TXNDC16: variants seen among roughly 807,000 people sequenced by gnomAD.
TXNDC16 encodes thioredoxin domain containing 16.
Under a neutral mutation model 85.6 loss-of-function variants are expected in TXNDC16, and 74 were observed. The observed-to-expected ratio is 0.86, with a 90% CI of 0.72 to 1.05. TXNDC16 has a LOEUF of 1.05. TXNDC16 is among the 50% of genes least tolerant of loss of function. The pLI, the probability that TXNDC16 is intolerant of heterozygous loss-of-function variation, is 0.00. For synonymous variants in TXNDC16, 335 were observed against 326.5 expected, an observed-to-expected ratio of 1.03 and a Z score of -0.28; for missense variants, 959 against 947.0, an observed-to-expected ratio of 1.01 and a Z score of -0.17.
chr14:52,470,509 T>C lies in TXNDC16; in HGVS notation c.1481+3A>G. On this transcript the variant is annotated splice_donor_region_variant and intron_variant, in intron 15 of 20. Transcript: ENST00000281741. ...AGATCTTATAATGAAGCTGAATACT[T>C]ACAGCTGGATAAATTTTAGGAGATC... The C allele has an allele frequency of 6.2e-7, 1 of 1,611,394 alleles. No individual in the cohort carries two copies. Among genetic ancestry groups the C allele is most frequent in the South Asian group, 1.1e-5 (1 of 90,388 alleles).
In TXNDC16 at chr14:52,514,948, G is replaced by A. The variant is rs377516943; in HGVS notation, c.537C>T (p.Ala179=). 1.5e-5 allele frequency: 24 copies of A among 1,612,512 alleles called. No homozygotes were observed. Among genetic ancestry groups the A allele is most frequent in the South Asian group, 2.2e-5 (2 of 90,858 alleles). Residue 179 remains alanine, a synonymous_variant, in exon 8 of 21, where the codon GCC becomes GCT. Coordinates refer to ENST00000281741, the MANE Select transcript of TXNDC16 (RefSeq NM_020784.3). ...GGTATGTAGTCCCATACACAAAAGCGGCTTCCATGACTGCTCTGTGCTCTG... is the reference window on the plus strand; with the variant it reads ...GGTATGTAGTCCCATACACAAAAGCAGCTTCCATGACTGCTCTGTGCTCTG... ...GIPEHRAVME[A]AFVYGTTYQF...
Position 52,543,459 on chromosome 14 carries a change from A to G in TXNDC16, c.99T>C (p.Pro33=). ...PTVNSLPELS[P]QKYFSTLQPG... ...GTTGCAATGTACTAAAATATTTCTGAGGACTCAGTTCTGGTAAAGAGTTTA... is the reference window on the plus strand; with the variant it reads ...GTTGCAATGTACTAAAATATTTCTGGGGACTCAGTTCTGGTAAAGAGTTTA... The change falls in exon 3 of 21, where the codon CCT becomes CCC. Residue 33 remains proline, a synonymous_variant. Coordinates refer to ENST00000281741, the MANE Select transcript of TXNDC16 (RefSeq NM_020784.3). 1 of 1,613,424 alleles carries G rather than the reference A, an allele frequency of 6.2e-7. No individual in the cohort carries two copies. The highest frequency in any genetic ancestry group is 8.5e-7 in the Non-Finnish European group (1 of 1,179,652).
At chr14:52,472,596 TCA>T (rs754321510) in intron 14 of TXNDC16, among the ~76,000 whole-genome samples, 23 of 152,228 alleles carry the variant, frequency 1.5e-4, no homozygotes, top group Non-Finnish European at 3.1e-4. Context: ...TGATATTTCT[TCA>T]CAAATTTTAA....
intron 9 of TXNDC16, among the ~76,000 whole-genome samples, chr14:52,500,918 G>T (rs887199266): frequency 2.6e-5 from 4 of 152,012 alleles, no homozygotes; most frequent in Non-Finnish European, 5.9e-5. Flanking sequence ...TTCTCAATTG[G>T]GATTCAGATA....
At chr14:52,496,578 T>G (rs1305094031) in intron 9 of TXNDC16, among the ~76,000 whole-genome samples, 1 of 151,642 alleles carries the variant, frequency 6.6e-6, no homozygotes. Flanking sequence ...ATCTTGTGGG[T>G]TTCCTAATTA....
At chr14:52,473,151 G>C (rs912485367) in intron 14 of TXNDC16, among the ~76,000 whole-genome samples, 1 of 152,084 alleles carries the variant, frequency 6.6e-6, no homozygotes, top group Non-Finnish European at 1.5e-5. Context: ...CTGCCAGCCA[G>C]TCCTTTCCAC....
At chr14:52,516,244 C>G (rs1335802011) in intron 7 of TXNDC16, among the ~76,000 whole-genome samples, 4 of 152,204 alleles carry the variant, frequency 2.6e-5, no homozygotes, top group African/African-American at 9.6e-5. Flanking sequence ...CTTCCTTGTG[C>G]CCATTATCTA....
chr14:52,445,355 C>T (rs2035256607), intron 18 of TXNDC16, among the ~76,000 whole-genome samples: 1 of 152,064 alleles, frequency 6.6e-6, no homozygotes, highest in African/African-American at 2.4e-5. Flanking sequence ...AGAACCAAGA[C>T]ACAAAAAGAC....
At position 52,457,123 on chromosome 14, in the gene TXNDC16, G is replaced by T; in HGVS notation, c.1670C>A (p.Thr557Asn). The change falls in exon 17 of 21, where the codon ACT becomes AAT. Residue 557 changes from threonine to asparagine, a missense_variant. Physicochemically the swap from Thr to Asn is moderately conservative, Grantham distance 65 (BLOSUM62 0). Transcript: ENST00000281741. Reference protein sequence around the residue: ...AGNYLKGYVITGIYSEEDVLL... With the variant: ...AGNYLKGYVINGIYSEEDVLL... The stretch of plus-strand genomic sequence containing the variant: ...AACATCTTCTTCAGAATAAATTCCA[G>T]TGATAACATATCCTTTTAGGTAGTT... 1 of 1,593,292 alleles carries T rather than the reference G, an allele frequency of 6.3e-7. No homozygotes were observed. The highest frequency in any genetic ancestry group is 8.5e-7 in the Non-Finnish European group (1 of 1,172,730).
intron 9 of TXNDC16, 53 bp from the exon 10 acceptor site, chr14:52,491,058 G>C (rs1160415354): frequency 1.3e-6 from 2 of 1,519,058 alleles, no homozygotes; most frequent in East Asian, 4.7e-5. Flanking sequence ...TCCAACATTT[G>C]GATTTAAATT....
intron 12 of TXNDC16, among the ~76,000 whole-genome samples, chr14:52,487,592 C>T (rs1284161085): frequency 6.6e-6 from 1 of 152,162 alleles, no homozygotes; most frequent in Non-Finnish European, 1.5e-5. Flanking sequence ...TATTGCCCAA[C>T]TGTTACACTT....
At chr14:52,449,176 G>A (rs1027532538) in intron 18 of TXNDC16, among the ~76,000 whole-genome samples, 22 of 151,288 alleles carry the variant, frequency 1.5e-4, no homozygotes, top group African/African-American at 5.3e-4. Flanking sequence ...AAAATAATAA[G>A]ATCCCATGAT....
At chr14:52,538,855 A>G (rs1440870596) in intron 4 of TXNDC16, among the ~76,000 whole-genome samples, 1 of 152,220 alleles carries the variant, frequency 6.6e-6, no homozygotes, top group Non-Finnish European at 1.5e-5. Context: ...GTTTGTTTAA[A>G]AGGCTACAAA....
intron 14 of TXNDC16, 104 bp from the exon 15 acceptor site, chr14:52,470,784 C>T (rs2035889117): frequency 9.7e-7 from 1 of 1,032,842 alleles, no homozygotes; most frequent in African/African-American, 1.6e-5. Flanking sequence ...AACCTCTCAG[C>T]ATGAAACACT....
chr14:52,486,650 T>A (rs948222695), intron 12 of TXNDC16, among the ~76,000 whole-genome samples: 1 of 152,154 alleles, frequency 6.6e-6, no homozygotes, highest in Non-Finnish European at 1.5e-5. Context: ...CTTATCTAGT[T>A]TTCCTTTGTA....
chr14:52,533,435 A>G (rs1175902546), intron 6 of TXNDC16, among the ~76,000 whole-genome samples: 1 of 152,168 alleles, frequency 6.6e-6, no homozygotes, highest in Non-Finnish European at 1.5e-5. Flanking sequence ...ACGGTCACAG[A>G]ATGGTTTATA....
At chr14:52,542,502 T>C in intron 3 of TXNDC16, 49 bp from the exon 4 acceptor site, 1 of 1,396,440 alleles carries the variant, frequency 7.2e-7, no homozygotes, top group Non-Finnish European at 1.0e-6. Context: ...CCCTTAAAAA[T>C]GAATTTTAAA....
At chr14:52,551,852 T>A (rs1453862769) in intron 1 of TXNDC16, among the ~76,000 whole-genome samples, 1 of 152,184 alleles carries the variant, frequency 6.6e-6, no homozygotes, top group East Asian at 1.9e-4. Context: ...TTCTACTTCC[T>A]CTCCAGGCAA....
In TXNDC16 at chr14:52,455,476, C is replaced by A. The variant is rs201174298; in HGVS notation, c.1704-14G>T. On this transcript the variant is annotated splice_polypyrimidine_tract_variant and intron_variant, in intron 17 of 20. Coordinates refer to ENST00000281741, the MANE Select transcript of TXNDC16 (RefSeq NM_020784.3). ...TATTTGGTTGACCTATGGAGAAAGG[C>A]AGTATTAAAATTCACGATCAAAATC... 1.9e-6 allele frequency: 3 copies of A among 1,613,004 alleles called. No homozygotes were observed. The highest frequency in any genetic ancestry group is 2.5e-6 in the Non-Finnish European group (3 of 1,179,594).
Sources: allele counts gnomAD v4.1 joint callset (sites outside exome capture counted in the v4.1 genomes callset), GRCh38; gene constraint gnomAD v4.1.1; transcripts MANE v1.5; gene names NCBI Gene and HGNC (gene_info 2026-07-23, HGNC 2026-07-21).